Variants in ZNF536 observed in about 807,000 individuals in gnomAD.
The protein encoded by ZNF536 is zinc finger protein 536.
In ZNF536, 13 loss-of-function variants were observed where a neutral mutation model predicts 84.5. The observed-to-expected ratio is 0.15, with a 90% CI of 0.10 to 0.24. The LOEUF (loss-of-function observed/expected upper bound fraction) is 0.24, where lower values mean the gene tolerates loss of function less well. ZNF536 is among the 10% of genes least tolerant of loss of function. The probability of loss-of-function intolerance (pLI) is 1.00; values close to 1 mark genes in which losing one functional copy is unlikely to be tolerated. For missense variants in ZNF536, 1,536 were observed against 1,747.5 expected (o/e 0.88, Z 2.16); for synonymous variants, 811 against 742.5 (o/e 1.09, Z -1.50).
At chr19:30,670,974 G>T (rs2050529594) in intron 1 of ZNF536, among the ~76,000 whole-genome samples, 1 of 152,058 alleles carries the variant, frequency 6.6e-6, no homozygotes, top group Non-Finnish European at 1.5e-5. Context: ...CATCCCTAGG[G>T]CCCAGCCTCA....
chr19:30,457,056 A>AAT (rs1555771667), intron 2 of ZNF536, among the ~76,000 whole-genome samples: 6 of 150,746 alleles, frequency 4.0e-5, no homozygotes, highest in African/African-American at 1.5e-4. Context: ...AAAAAAAAAA[A>AAT]CAAAAAAAAA....
intron 2 of ZNF536, among the ~76,000 whole-genome samples, chr19:30,470,127 G>C (rs1041062495): frequency 2.0e-5 from 3 of 152,222 alleles, no homozygotes; most frequent in East Asian, 3.9e-4. Context: ...TGCGATTCCA[G>C]GGGGAGCAGG....
chr19:30,629,120 A>G (rs2048795200), intron 1 of ZNF536, among the ~76,000 whole-genome samples: 1 of 152,216 alleles, frequency 6.6e-6, no homozygotes, highest in Non-Finnish European at 1.5e-5. Flanking sequence ...GCAGGGTACC[A>G]GGTATGGAGA....
At chr19:30,405,758 T>G (rs2050237308) in intron 1 of ZNF536, among the ~76,000 whole-genome samples, 1 of 151,866 alleles carries the variant, frequency 6.6e-6, no homozygotes, top group Admixed American at 6.6e-5. Flanking sequence ...GTGGAGGCCC[T>G]TGATGCAGAG....
At chr19:30,441,005 C>T (rs560586148) in intron 1 of ZNF536, among the ~76,000 whole-genome samples, 7 of 152,156 alleles carry the variant, frequency 4.6e-5, no homozygotes, top group African/African-American at 7.2e-5. Flanking sequence ...CCTTATTTGA[C>T]GAGTTGAGCT....
chr19:30,474,240 G>T (rs1001305621), intron 2 of ZNF536, among the ~76,000 whole-genome samples: 1 of 152,170 alleles, frequency 6.6e-6, no homozygotes, highest in African/African-American at 2.4e-5. Context: ...GGGCCAGACT[G>T]TGGAAGGCCT....
intron 1 of ZNF536, among the ~76,000 whole-genome samples, chr19:30,373,900 G>A (rs1388622397): frequency 6.6e-6 from 1 of 152,196 alleles, no homozygotes; most frequent in East Asian, 1.9e-4. Flanking sequence ...GCCTCAGCAA[G>A]GTGCACGCGG....
chr19:30,443,831 G>A lies in ZNF536; in HGVS notation c.269G>A (p.Arg90Gln), dbSNP rs200358598. ...QMALLANQLG[R>Q]EVDTSLNGRV... ...GCGCTCCTGGCCAACCAGCTGGGCC[G>A]GGAGGTGGACACCAGCCTCAACGGG... is the stretch of plus-strand genomic sequence containing the variant. The change falls in exon 2 of 5, where the codon CGG (arginine) becomes CAG (glutamine). Residue 90 changes from arginine to glutamine, a missense_variant. Physicochemically the swap from Arg to Gln is conservative, Grantham distance 43. Coordinates refer to ENST00000355537, the MANE Select transcript of ZNF536 (RefSeq NM_014717.3). 8 of 1,613,172 alleles carry A rather than the reference G, an allele frequency of 5.0e-6. No homozygotes were observed. In the East Asian group the frequency reaches 6.7e-5, roughly 13 times the overall value.
chr19:30,682,320 G>T (rs1175425886), intron 1 of ZNF536, among the ~76,000 whole-genome samples: 1 of 152,158 alleles, frequency 6.6e-6, no homozygotes, highest in African/African-American at 2.4e-5. Context: ...CCCAAGAAAG[G>T]AGGAATCTAT....
At chr19:30,524,164 C>A (rs1206026350) in intron 2 of ZNF536, among the ~76,000 whole-genome samples, 1 of 152,218 alleles carries the variant, frequency 6.6e-6, no homozygotes, top group Non-Finnish European at 1.5e-5. Flanking sequence ...CTCATGCAAC[C>A]TCAAGTCAGC....
intron 1 of ZNF536, among the ~76,000 whole-genome samples, chr19:30,381,934 G>C (rs1288393346): frequency 6.6e-6 from 1 of 152,160 alleles, no homozygotes; most frequent in Non-Finnish European, 1.5e-5. Flanking sequence ...GTTTGCTACA[G>C]GGGAAGCCAG....
At chr19:30,359,351 A>C (rs2048197824) in intron 3 of ZNF536, among the ~76,000 whole-genome samples, 1 of 151,972 alleles carries the variant, frequency 6.6e-6, no homozygotes, top group African/African-American at 2.4e-5. Flanking sequence ...CCTGGTCTGG[A>C]GTGTATGAGG....
At position 30,372,414 on chromosome 19, in the gene ZNF536, G is replaced by A. The variant is rs1015259737; in HGVS notation, c.-145G>A. On this transcript the variant is annotated 5_prime_UTR_variant, in exon 1 of 5. Transcript: ENST00000355537. ...TGCTGAGGCCAGCTTTGGAACAGGG[G>A]AGGTGAGTCTGGAGAAGAGAGTTTC... 3.3e-5 allele frequency: 5 copies of A among 152,400 alleles called. No individual in the cohort carries two copies. The highest frequency in any genetic ancestry group is 2.1e-4 in the South Asian group (1 of 4,824). The allele number at this position is 152,400 out of a possible 1,614,324, so 9.4% of individuals were successfully genotyped here.
intron 1 of ZNF536, among the ~76,000 whole-genome samples, chr19:30,423,462 AG>A (rs1487299773): frequency 6.6e-6 from 1 of 152,232 alleles, no homozygotes; most frequent in African/African-American, 2.4e-5. Flanking sequence ...GGCTAATGAG[AG>A]ACAGAAATGG....
chr19:30,407,360 A>G (rs190527437), intron 1 of ZNF536, among the ~76,000 whole-genome samples: 89 of 152,306 alleles, frequency 5.8e-4, no homozygotes, highest in African/African-American at 2.0e-3. Context: ...CACTACAACT[A>G]TAGTCATCAA....
chr19:30,429,887 A>C (rs1434221701), intron 1 of ZNF536, among the ~76,000 whole-genome samples: 1 of 152,202 alleles, frequency 6.6e-6, no homozygotes, highest in African/African-American at 2.4e-5. Context: ...AAATTAGTTC[A>C]ACCAGAATTT....
At chr19:30,519,551 C>T (rs1236236707) in intron 2 of ZNF536, among the ~76,000 whole-genome samples, 2 of 152,296 alleles carry the variant, frequency 1.3e-5, no homozygotes, top group East Asian at 3.9e-4. Context: ...CACCAGATTC[C>T]CCACGTCCAG....
At chr19:30,369,065 C>T (rs141313288), upstream of ZNF536, among the ~76,000 whole-genome samples, 13 of 152,304 alleles carry the variant, frequency 8.5e-5, no homozygotes, top group East Asian at 3.9e-4. Context: ...CAACTGTCCA[C>T]GCAGACGCCA....
At position 30,509,490 on chromosome 19, in the gene ZNF536, G is replaced by C. The variant is rs8100680; in HGVS notation, c.2171-25357G>C. ...CTGTATAATTTATGTATAATATATA[G>C]CTATATAATATATATTATTTGTGCA... On this transcript the variant is annotated intron_variant, in intron 2 of 4. Coordinates refer to ENST00000355537, the MANE Select transcript of ZNF536 (RefSeq NM_014717.3). Among the ~76,000 whole-genome samples the C allele has an allele frequency of 3.0e-3, 436 of 146,760 alleles. 6 individuals are homozygous for C. The highest frequency in any genetic ancestry group is 2.4e-3 in the Non-Finnish European group (161 of 67,124).
Sources: gnomAD v4.1 joint callset for allele counts (sites outside exome capture counted in the v4.1 genomes callset) on GRCh38, gnomAD v4.1.1 for gene constraint, MANE v1.5 for transcripts, NCBI Gene and HGNC (gene_info 2026-07-23, HGNC 2026-07-21) for gene names.